Variants in PIK3C2G observed in about 807,000 individuals in gnomAD.
PIK3C2G encodes the protein phosphatidylinositol 3-kinase C2 domain-containing subunit gamma.
Under a neutral mutation model 181.1 loss-of-function variants are expected in PIK3C2G, and 168 were observed. That is an observed-to-expected ratio of 0.93 (90% confidence interval 0.82 to 1.05). The LOEUF (loss-of-function observed/expected upper bound fraction) is 1.05. PIK3C2G is among the 50% of genes least tolerant of loss of function. PIK3C2G has a pLI of 0.00. For synonymous variants in PIK3C2G, 573 were observed against 592.2 expected (o/e 0.97, Z 0.47); for missense variants, 1,869 against 1,732.8 (o/e 1.08, Z -1.40).
chr12:18,300,317 A>G (rs73062594), intron 5 of PIK3C2G, among the ~76,000 whole-genome samples: 12,139 of 152,048 alleles, frequency 0.08, 529 homozygotes, highest in Non-Finnish European at 0.093. Context: ...TATTTCACAT[A>G]TAAAGAGAAT....
chr12:18,372,195 A>ATGTG (rs371668925), intron 13 of PIK3C2G, among the ~76,000 whole-genome samples: 50 of 148,500 alleles, frequency 3.4e-4, no homozygotes, highest in African/African-American at 1.2e-3. Flanking sequence ...AGCTGTGTGT[A>ATGTG]TGTGTGTGTG....
At chr12:18,679,257 A>AT in the PIK3C2G span, among the ~76,000 whole-genome samples, 1 of 151,938 alleles carries the variant, frequency 6.6e-6, no homozygotes, top group Admixed American at 6.6e-5. Context: ...TATCATTTTC[A>AT]TTATGATGTA....
the PIK3C2G span, among the ~76,000 whole-genome samples, chr12:18,711,607 G>A: frequency 1.1e-4 from 16 of 151,436 alleles, no homozygotes; most frequent in Admixed American, 1.1e-3. Flanking sequence ...AGGGGACTGA[G>A]AGAAGGAGAA....
chr12:18,383,323 G>T (rs913276929), intron 14 of PIK3C2G, among the ~76,000 whole-genome samples: 1 of 152,176 alleles, frequency 6.6e-6, no homozygotes, highest in African/African-American at 2.4e-5. Context: ...AATCCAGCTG[G>T]AGAGACAGAC....
chr12:18,332,249 C>A (rs1938048586), intron 8 of PIK3C2G, among the ~76,000 whole-genome samples: 1 of 152,088 alleles, frequency 6.6e-6, no homozygotes, highest in African/African-American at 2.4e-5. Flanking sequence ...GCTTTGACAG[C>A]TCCTGCTTGT....
intron 26 of PIK3C2G, among the ~76,000 whole-genome samples, chr12:18,555,016 C>A (rs1046645982): frequency 2.6e-5 from 4 of 152,036 alleles, no homozygotes; most frequent in Non-Finnish European, 5.9e-5. Context: ...GCAACTCTTC[C>A]TGTATTTATA....
At position 18,539,679 on chromosome 12, in the gene PIK3C2G, G is replaced by A. The variant is rs183008018; in HGVS notation, c.3480+1367G>A. The stretch of plus-strand genomic sequence containing the variant: ...TTCCATTGGTTAGTACAGAACAAAT[G>A]TTGACTTTGTTGCAAGGAAGATTTG... On this transcript the variant is annotated intron_variant, in intron 25 of 32. Transcript: ENST00000538779. Among the ~76,000 whole-genome samples, 30 of 151,956 alleles carry A rather than the reference G, an allele frequency of 2.0e-4. No individual in the cohort carries two copies. In the East Asian group the frequency reaches 5.4e-3, roughly 28 times the overall value.
At chr12:18,571,203 T>C (rs1202498997) in intron 29 of PIK3C2G, among the ~76,000 whole-genome samples, 1 of 150,964 alleles carries the variant, frequency 6.6e-6, no homozygotes, top group Non-Finnish European at 1.5e-5. Flanking sequence ...TTTTTTCAAA[T>C]ATATTTAGCC....
At chr12:18,298,225 C>T (rs1452414731) in intron 5 of PIK3C2G, among the ~76,000 whole-genome samples, 3 of 151,882 alleles carry the variant, frequency 2.0e-5, no homozygotes, top group Admixed American at 2.0e-4. Context: ...GCCATTCTAA[C>T]AAGGGTAAAA....
chr12:18,644,151 G>A (rs975331494), intron 32 of PIK3C2G, among the ~76,000 whole-genome samples: 23 of 151,922 alleles, frequency 1.5e-4, no homozygotes, highest in African/African-American at 3.9e-4. Flanking sequence ...TTGACACTTC[G>A]CAGAGTGAGC....
chr12:18,409,655 A>C (rs1268613880), intron 16 of PIK3C2G, among the ~76,000 whole-genome samples: 1 of 152,204 alleles, frequency 6.6e-6, no homozygotes, highest in African/African-American at 2.4e-5. Context: ...GATGTAATTA[A>C]ATGAACAGAA....
chr12:18,269,951 C>A (rs1229608456), intron 1 of PIK3C2G, among the ~76,000 whole-genome samples: 12 of 143,502 alleles, frequency 8.4e-5, no homozygotes, highest in Admixed American at 7.3e-4. Flanking sequence ...TCTCCGTTAC[C>A]CAGGCTGGAG....
chr12:18,427,379 C>A (rs375642980), intron 18 of PIK3C2G, among the ~76,000 whole-genome samples: 1 of 150,500 alleles, frequency 6.6e-6, no homozygotes. Context: ...TGGTGGCGGG[C>A]GCCTGTAATC....
intron 5 of PIK3C2G, among the ~76,000 whole-genome samples, chr12:18,298,039 C>T (rs1309647276): frequency 6.6e-6 from 1 of 151,842 alleles, no homozygotes; most frequent in Non-Finnish European, 1.5e-5. Flanking sequence ...TGGATAAACA[C>T]CCATAAGTAG....
At chr12:18,243,311 T>C (rs1197330851), upstream of PIK3C2G, among the ~76,000 whole-genome samples, 1 of 151,736 alleles carries the variant, frequency 6.6e-6, no homozygotes, top group Admixed American at 6.6e-5. Flanking sequence ...TTTGCAGGTG[T>C]TGGGTAAAAA....
intron 29 of PIK3C2G, among the ~76,000 whole-genome samples, chr12:18,589,100 C>T (rs997730595): frequency 4.6e-5 from 7 of 151,188 alleles, no homozygotes; most frequent in African/African-American, 7.3e-5. Context: ...TGAGGGTGGA[C>T]GATAGGAGGA....
At chr12:18,514,702 C>A (rs2136155143) in intron 24 of PIK3C2G, among the ~76,000 whole-genome samples, 1 of 151,990 alleles carries the variant, frequency 6.6e-6, no homozygotes, top group African/African-American at 2.4e-5. Context: ...ACAAATTTGA[C>A]TTCCTGCTTT....
At chr12:18,593,565 T>C (rs145300994) in intron 29 of PIK3C2G, among the ~76,000 whole-genome samples, 82 of 151,934 alleles carry the variant, frequency 5.4e-4, no homozygotes, top group African/African-American at 1.8e-3. Context: ...CTGTGAAAGG[T>C]AGTCCAGGGA....
chr12:18,708,144 C>T, the PIK3C2G span, among the ~76,000 whole-genome samples: 1 of 152,128 alleles, frequency 6.6e-6, no homozygotes, highest in African/African-American at 2.4e-5. Context: ...ACTTTGTAGC[C>T]TCTGACCTAC....
Sources: allele counts gnomAD v4.1 joint callset (sites outside exome capture counted in the v4.1 genomes callset), GRCh38; gene constraint gnomAD v4.1.1; transcripts MANE v1.5; gene names NCBI Gene and HGNC (gene_info 2026-07-23, HGNC 2026-07-21).